The following ACSL5 variants were observed in gnomAD, a reference collection of about 807,000 sequenced individuals.
ACSL5 encodes the protein acyl-CoA synthetase long chain family member 5, also known as long-chain-fatty-acid--CoA ligase 5.
In ACSL5, 50 loss-of-function variants were observed where a neutral mutation model predicts 84.9. That is an observed-to-expected ratio of 0.59 (90% CI 0.47 to 0.75). The LOEUF (loss-of-function observed/expected upper bound fraction) is 0.75, where lower values mean the gene tolerates loss of function less well. ACSL5 is among the 30% of genes least tolerant of loss of function. The pLI, the probability that ACSL5 is intolerant of heterozygous loss-of-function variation, is 0.00. For synonymous variants in ACSL5, 280 were observed against 300.7 expected (o/e 0.93, Z 0.71); for missense variants, 775 against 830.4 (o/e 0.93, Z 0.82).
chr10:112,382,681 TA>T (rs1427195466), intron 1 of ACSL5, among the ~76,000 whole-genome samples: 2 of 152,188 alleles, frequency 1.3e-5, no homozygotes, highest in Non-Finnish European at 2.9e-5. Flanking sequence ...ATGATTTATT[TA>T]TGGTATGCTT....
chr10:112,413,198 G>A lies in ACSL5; in HGVS notation c.974G>A (p.Arg325Lys). ...VQAVVYSCGA[R>K]VGFFQGDIRL... Reference sequence around the variant, plus strand: ...GCTGTTGTGTACAGCTGTGGAGCCAGAGTTGGATTCTTCCAAGGGGATATT... The same window carrying A: ...GCTGTTGTGTACAGCTGTGGAGCCAAAGTTGGATTCTTCCAAGGGGATATT... Residue 325 changes from arginine (R) to lysine (K), a missense_variant, in exon 12 of 21, where the codon AGA (arginine) becomes AAA (lysine). Physicochemically the swap from Arg to Lys is conservative, Grantham distance 26. Coordinates refer to ENST00000354655, the MANE Select transcript of ACSL5 (RefSeq NM_203379.2). The A allele has an allele frequency of 1.2e-6, 2 of 1,614,222 alleles. No individual in the cohort carries two copies. Among genetic ancestry groups the A allele is most frequent in the Non-Finnish European group, 1.7e-6 (2 of 1,180,026 alleles).
intron 1 of ACSL5, among the ~76,000 whole-genome samples, chr10:112,386,449 C>T (rs1849455013): frequency 6.6e-6 from 1 of 152,066 alleles, no homozygotes. Flanking sequence ...CCGCCTCGGC[C>T]TTCCAAAGTG....
intron 13 of ACSL5, among the ~76,000 whole-genome samples, chr10:112,417,364 G>A (rs554583273): frequency 1.5e-3 from 229 of 152,054 alleles, no homozygotes; most frequent in Non-Finnish European, 2.8e-3. Flanking sequence ...TTAGCCGGGC[G>A]TGGTGGTGGG....
intron 3 of ACSL5, among the ~76,000 whole-genome samples, chr10:112,402,332 C>G (rs1003304623): frequency 1.3e-5 from 2 of 152,200 alleles, no homozygotes; most frequent in Admixed American, 6.5e-5. Flanking sequence ...ACCAAGCTGT[C>G]TCAGTCCTTC....
At chr10:112,383,402 G>T (rs957574815) in intron 1 of ACSL5, among the ~76,000 whole-genome samples, 4 of 152,288 alleles carry the variant, frequency 2.6e-5, no homozygotes. Context: ...GAATGGCTGG[G>T]AAGTTATCAG....
At chr10:112,409,735 G>T in intron 7 of ACSL5, 50 bp downstream of exon 7, 1 of 1,584,778 alleles carries the variant, frequency 6.3e-7, no homozygotes, top group South Asian at 1.1e-5. Context: ...CCAACACCTT[G>T]GGCAACTTGC....
At chr10:112,423,992 A>T (rs1292560843) in intron 17 of ACSL5, among the ~76,000 whole-genome samples, 4 of 152,106 alleles carry the variant, frequency 2.6e-5, no homozygotes, top group Non-Finnish European at 5.9e-5. Context: ...AACCCAAAAA[A>T]CTTTGGTTTG....
At chr10:112,395,893 C>A (rs978025092) in intron 2 of ACSL5, 1 of 152,454 alleles carries the variant, frequency 6.6e-6, no homozygotes, top group East Asian at 1.9e-4. Context: ...CCTCTACTCT[C>A]CAGCTCCTCT....
rs892360080 is a variant in ACSL5 at position 112,409,363 on chromosome 10, G to A, written c.533-144G>A. ...TATCATCAATGGAATGTTTCAGGTT[G>A]TACATTATAAATCTGATTTGCAGGT... is the stretch of plus-strand genomic sequence containing the variant. On this transcript the variant is annotated intron_variant, in intron 6 of 20. Coordinates refer to ENST00000354655, the MANE Select transcript of ACSL5 (RefSeq NM_203379.2). 1.3e-4 allele frequency: 84 copies of A among 652,172 alleles called. No individual in the cohort carries two copies. The African/African-American group carries it at 1.4e-3, about 10-fold the overall frequency. The allele number at this position is 652,172 out of a possible 1,614,324, so 40.4% of individuals were successfully genotyped here.
intron 12 of ACSL5, among the ~76,000 whole-genome samples, chr10:112,415,075 A>AT (rs1844283044): frequency 1.3e-5 from 2 of 152,106 alleles, no homozygotes; most frequent in South Asian, 4.1e-4. Flanking sequence ...CAATTAGTAG[A>AT]TTTGGTGGTT....
At chr10:112,411,611 G>GACAC (rs931466410) in intron 10 of ACSL5, 82 bp downstream of exon 10, 12 of 1,163,042 alleles carry the variant, frequency 1.0e-5, no homozygotes, top group East Asian at 7.6e-5. Context: ...AGAGCAGGCA[G>GACAC]ACACACACAC....
intron 1 of ACSL5, among the ~76,000 whole-genome samples, chr10:112,376,664 A>G (rs1849246231): frequency 6.6e-6 from 1 of 152,046 alleles, no homozygotes. Flanking sequence ...GATGTGGGGC[A>G]TGCATGGGGC....
Position 112,398,935 on chromosome 10 carries a change from A to G in ACSL5, c.191A>G (p.Asn64Ser), listed in dbSNP as rs1843811948. The G allele has an allele frequency of 1.2e-6, 2 of 1,613,982 alleles. No homozygotes were observed. The highest frequency in any genetic ancestry group is 8.5e-7 in the Non-Finnish European group (1 of 1,180,004). ...CGGAAGGGGGTTTCCCAGAAGAACA[A>G]TGACCTAACAAGTTGCTGCTTCTCA... Reference protein sequence around the residue: ...GARKGVSQKNNDLTSCCFSDA... With the variant: ...GARKGVSQKNSDLTSCCFSDA... Residue 64 changes from asparagine to serine, a missense_variant, in exon 3 of 21, where the codon AAT (asparagine) becomes AGT (serine). Asn to Ser is a conservative substitution (Grantham distance 46). Coordinates refer to ENST00000354655, the MANE Select transcript of ACSL5 (RefSeq NM_203379.2).
rs1844818381 is a variant in ACSL5, at chr10:112,428,324, CAT to C, written c.*967_*968del. 2 of 397,212 alleles carry C rather than the reference CAT, an allele frequency of 5.0e-6. No homozygotes were observed. The highest frequency in any genetic ancestry group is 3.6e-5 in the East Asian group (1 of 28,002). 24.6% of individuals were successfully genotyped at this position (397,212 alleles called of 1,614,324 possible). A position where few individuals can be genotyped will look rare whatever the true frequency, so the allele number is the denominator to read the frequency against. ...TGCTCTACCTTACCCACAGATAACA[CAT>C]GTTGTTTCTACTTGTAAATGTAAAG... On this transcript the variant is annotated 3_prime_UTR_variant, in exon 21 of 21. Coordinates refer to ENST00000354655, the MANE Select transcript of ACSL5 (RefSeq NM_203379.2).
In ACSL5 at chr10:112,416,907, C is replaced by A. The variant is rs760452705; in HGVS notation, c.1103C>A (p.Thr368Lys). ...IYDKVQNEAK[T>K]PLKKFLLKLA... is the part of the protein sequence containing the mutation. ...CTGCAGGTACAAAATGAGGCCAAGACACCCTTGAAGAAGTTCTTGTTGAAG... is the reference window on the plus strand; with the variant it reads ...CTGCAGGTACAAAATGAGGCCAAGAAACCCTTGAAGAAGTTCTTGTTGAAG... Residue 368 changes from threonine (T) to lysine (K), a missense_variant, in exon 13 of 21, where the codon ACA becomes AAA. By Grantham distance (78) the Thr-to-Lys change is moderately conservative. Coordinates refer to ENST00000354655, the MANE Select transcript of ACSL5 (RefSeq NM_203379.2). 6 of 1,613,962 alleles carry A rather than the reference C, an allele frequency of 3.7e-6. No homozygotes were observed. Among genetic ancestry groups the A allele is most frequent in the Non-Finnish European group, 4.2e-6 (5 of 1,180,004 alleles).
At chr10:112,421,850 T>C in intron 15 of ACSL5, 97 bp from the exon 16 acceptor site, 1 of 1,418,480 alleles carries the variant, frequency 7.0e-7, no homozygotes, top group Non-Finnish European at 9.9e-7. Flanking sequence ...TTTTTCAGTC[T>C]TCCTCTTCTA....
chr10:112,384,694 G>C (rs1022111606), intron 1 of ACSL5, among the ~76,000 whole-genome samples: 2 of 152,014 alleles, frequency 1.3e-5, no homozygotes, highest in African/African-American at 4.8e-5. Flanking sequence ...TTTTTGTAGA[G>C]ACAGGTCCTC....
chr10:112,375,155 T>C (rs913491758), intron 1 of ACSL5: 3 of 152,176 alleles, frequency 2.0e-5, no homozygotes, highest in Non-Finnish European at 4.4e-5. Context: ...GTGGCTGAGA[T>C]TCGACACCCA....
chr10:112,419,546 A>C (rs1227796898), intron 14 of ACSL5: 1 of 152,206 alleles, frequency 6.6e-6, no homozygotes, highest in Non-Finnish European at 1.5e-5. Context: ...GAGCATTCTG[A>C]ATCTGAAAAT....
Sources: allele counts gnomAD v4.1 joint callset (sites outside exome capture counted in the v4.1 genomes callset), GRCh38; gene constraint gnomAD v4.1.1; transcripts MANE v1.5; gene names NCBI Gene and HGNC (gene_info 2026-07-23, HGNC 2026-07-21).